CHST9: variants seen among roughly 807,000 people sequenced by gnomAD.
The protein encoded by CHST9 is GalNAc-4-sulfotransferase 2.
In CHST9, 41 loss-of-function variants were observed where a neutral mutation model predicts 44.4. The observed-to-expected ratio is 0.92, with a 90% CI of 0.72 to 1.20. CHST9 has a LOEUF of 1.20. Ranked by LOEUF, CHST9 falls within the 50% of genes most tolerant of loss-of-function variation. The probability of loss-of-function intolerance (pLI) is 0.00; values close to 1 mark genes in which losing one functional copy is unlikely to be tolerated. For synonymous variants in CHST9, 171 were observed against 178.4 expected (o/e 0.96, Z 0.33); for missense variants, 504 against 516.5 (o/e 0.98, Z 0.23).
chr18:27,142,803 G>A lies in CHST9; in HGVS notation c.7C>T (p.Pro3Ser). 6.2e-7 allele frequency: 1 copy of A among 1,601,136 alleles called. No individual in the cohort carries two copies. Among genetic ancestry groups the A allele is most frequent in the Admixed American group, 1.7e-5 (1 of 57,356 alleles). Residue 3 changes from proline to serine, a missense_variant, in exon 2 of 6, where the codon CCA becomes TCA. Physicochemically the swap from Pro to Ser is moderately conservative, Grantham distance 74. Coordinates refer to ENST00000618847, the MANE Select transcript of CHST9 (RefSeq NM_031422.6). The part of the protein sequence containing the change: MQ[P>S]SEMVMNPKQV... ...TTGGGGTTCATGACCATTTCAGATG[G>A]CTGCATTTCTCCTTATTTCAGAATC...
chr18:27,043,685 T>C (rs899710461), intron 3 of CHST9, among the ~76,000 whole-genome samples: 1 of 152,062 alleles, frequency 6.6e-6, no homozygotes, highest in Non-Finnish European at 1.5e-5. Context: ...TTGCCTCCCG[T>C]CAATTTCTCT....
intron 2 of CHST9, among the ~76,000 whole-genome samples, chr18:27,071,861 A>T (rs902646199): frequency 2.0e-5 from 3 of 152,188 alleles, no homozygotes; most frequent in Non-Finnish European, 4.4e-5. Context: ...AATTATAGAC[A>T]TCTTCACAAT....
rs1024962132 is a variant in CHST9 at position 26,907,016 on chromosome 18, C to G, written c.*9243G>C. On this transcript the variant is annotated 3_prime_UTR_variant, in exon 6 of 6. Coordinates refer to ENST00000618847, the MANE Select transcript of CHST9 (RefSeq NM_031422.6). ...AGGATATAGAATGTATAGTGGGAAA[C>G]AGAACTGGAATTGGATTTGCATTTT... 6.6e-6 allele frequency: 1 copy of G among 152,118 alleles called. No individual in the cohort carries two copies. 9.4% of individuals were successfully genotyped at this position (152,118 alleles called of 1,614,324 possible). A position where few individuals can be genotyped will look rare whatever the true frequency, so the allele number is the denominator to read the frequency against.
At chr18:26,975,725 G>GTATATA (rs59671204) in intron 4 of CHST9, among the ~76,000 whole-genome samples, 1,980 of 101,410 alleles carry the variant, frequency 0.02, 19 homozygotes, top group South Asian at 0.033. Context: ...GTGTGTGTGT[G>GTATATA]TATATATATA....
intron 4 of CHST9, among the ~76,000 whole-genome samples, chr18:26,989,363 T>G (rs1165388699): frequency 6.6e-6 from 1 of 152,148 alleles, no homozygotes; most frequent in East Asian, 1.9e-4. Context: ...GGAATATAAA[T>G]TAAAGCACCA....
At chr18:27,127,289 C>G (rs1314790716) in intron 2 of CHST9, among the ~76,000 whole-genome samples, 1 of 152,118 alleles carries the variant, frequency 6.6e-6, no homozygotes, top group Non-Finnish European at 1.5e-5. Flanking sequence ...ATAAAGTAGT[C>G]TGAAGAGCAA....
intron 5 of CHST9, among the ~76,000 whole-genome samples, chr18:26,939,700 C>A (rs2056053559): frequency 6.6e-6 from 1 of 152,166 alleles, no homozygotes. Flanking sequence ...GGCCATCCTG[C>A]ACTAGAGGCC....
chr18:27,132,526 A>G (rs973655557), intron 2 of CHST9, among the ~76,000 whole-genome samples: 4 of 152,188 alleles, frequency 2.6e-5, no homozygotes, highest in Non-Finnish European at 5.9e-5. Flanking sequence ...GCAAAGACTT[A>G]CTGAGCATCT....
At chr18:27,159,509 T>C (rs2058727913) in intron 1 of CHST9, among the ~76,000 whole-genome samples, 1 of 152,226 alleles carries the variant, frequency 6.6e-6, no homozygotes, top group African/African-American at 2.4e-5. Flanking sequence ...TTGGTTACTG[T>C]AGCCTTGTAG....
At chr18:27,006,215 T>C (rs1424195861) in intron 4 of CHST9, among the ~76,000 whole-genome samples, 3 of 152,170 alleles carry the variant, frequency 2.0e-5, no homozygotes, top group African/African-American at 7.2e-5. Flanking sequence ...AGAGAGGAGG[T>C]CCACTGCTCT....
intron 1 of CHST9, among the ~76,000 whole-genome samples, chr18:27,162,964 T>C (rs1402755622): frequency 1.3e-5 from 2 of 152,170 alleles, no homozygotes; most frequent in Admixed American, 1.3e-4. Flanking sequence ...TGGTCTTTGA[T>C]GATGGTGACG....
chr18:26,970,969 G>C (rs562435993), intron 4 of CHST9, among the ~76,000 whole-genome samples: 89 of 152,196 alleles, frequency 5.8e-4, no homozygotes, highest in African/African-American at 2.1e-3. Context: ...ATTTTTGCTT[G>C]TCTATGTCCT....
At chr18:26,920,576 T>C (rs912672794) in intron 5 of CHST9, among the ~76,000 whole-genome samples, 1 of 152,232 alleles carries the variant, frequency 6.6e-6, no homozygotes, top group African/African-American at 2.4e-5. Flanking sequence ...TCTGTGGTAC[T>C]AAGCACACTG....
intron 2 of CHST9, among the ~76,000 whole-genome samples, chr18:27,049,419 A>G (rs1407272048): frequency 3.3e-5 from 5 of 152,132 alleles, no homozygotes; most frequent in Non-Finnish European, 7.4e-5. Context: ...TTGAAGTACT[A>G]TGGGGACAAG....
rs376394477 is a variant in CHST9, at chr18:26,916,545, T to C, written c.1046A>G (p.His349Arg). The change falls in exon 6 of 6, where the codon CAC becomes CGC. Residue 349 changes from histidine (H) to arginine (R), a missense_variant. By Grantham distance (29) the His-to-Arg change is conservative (BLOSUM62 0). Transcript: ENST00000618847. ...DSHRPVGMDI[H>R]WEKVSKLCYP... ...GCAGAGTTTGCTGACCTTTTCCCAG[T>C]GAATGTCCATTCCTACTGGACGGTG... 9.3e-6 allele frequency: 15 copies of C among 1,613,732 alleles called. No individual in the cohort carries two copies. The African/African-American group carries it at 2.0e-4, about 22-fold the overall frequency.
In CHST9 at chr18:27,044,539, G is replaced by A. The variant is rs376034467; in HGVS notation, c.160+3926C>T. On this transcript the variant is annotated intron_variant, in intron 3 of 5. Coordinates refer to ENST00000618847, the MANE Select transcript of CHST9 (RefSeq NM_031422.6). Reference sequence around the variant, plus strand: ...GCAAAATACCAATGTCCAAAATAATGGGCTTTTCAAGGATAATAGTTTGCT... The same window carrying A: ...GCAAAATACCAATGTCCAAAATAATAGGCTTTTCAAGGATAATAGTTTGCT... Among the ~76,000 whole-genome samples, 122 of 151,976 alleles carry A rather than the reference G, an allele frequency of 8.0e-4. 3 individuals carry two copies. In the South Asian group the frequency reaches 0.024, roughly 30 times the overall value.
At chr18:27,108,341 T>A (rs1295660827) in intron 2 of CHST9, among the ~76,000 whole-genome samples, 1 of 152,210 alleles carries the variant, frequency 6.6e-6, no homozygotes, top group East Asian at 1.9e-4. Context: ...GGACTTTTTA[T>A]ATAAAATGAT....
intron 5 of CHST9, among the ~76,000 whole-genome samples, chr18:26,938,101 G>T (rs2056025648): frequency 2.0e-5 from 3 of 152,096 alleles, no homozygotes; most frequent in East Asian, 3.9e-4. Context: ...CTTCTTGGTG[G>T]TCATGCTTTT....
At chr18:26,976,559 G>A (rs964622370) in intron 4 of CHST9, among the ~76,000 whole-genome samples, 2 of 152,134 alleles carry the variant, frequency 1.3e-5, no homozygotes, top group Non-Finnish European at 2.9e-5. Flanking sequence ...GAGGGAAGAA[G>A]TGAGGGAGAC....
Sources: gnomAD v4.1 joint callset for allele counts (sites outside exome capture counted in the v4.1 genomes callset) on GRCh38, gnomAD v4.1.1 for gene constraint, MANE v1.5 for transcripts, NCBI Gene and HGNC (gene_info 2026-07-23, HGNC 2026-07-21) for gene names.